The following CNIH3 variants were observed in gnomAD, a reference collection of about 807,000 sequenced individuals.
CNIH3 encodes cornichon family AMPA receptor auxiliary protein 3, also known as protein cornichon homolog 3.
In CNIH3, 14 loss-of-function variants were observed where a neutral mutation model predicts 24.1. The observed-to-expected ratio is 0.58, with a 90% CI of 0.38 to 0.91. CNIH3 has a LOEUF of 0.91. Ranked by LOEUF, CNIH3 falls within the 40% of genes least tolerant of loss-of-function variation. The probability of loss-of-function intolerance (pLI) is 0.00; values close to 1 mark genes in which losing one functional copy is unlikely to be tolerated. For missense variants in CNIH3, 178 were observed against 196.8 expected (o/e 0.90, Z 0.57); for synonymous variants, 68 against 73.8 (o/e 0.92, Z 0.40).
At chr1:224,647,075 C>T (rs1684641566) in intron 1 of CNIH3, among the ~76,000 whole-genome samples, 1 of 152,104 alleles carries the variant, frequency 6.6e-6, no homozygotes, top group Non-Finnish European at 1.5e-5. Context: ...CAACCTCCAC[C>T]TCCTGGGTCC....
At chr1:224,614,394 C>T (rs1410768573), upstream of CNIH3, among the ~76,000 whole-genome samples, 1 of 152,216 alleles carries the variant, frequency 6.6e-6, no homozygotes, top group African/African-American at 2.4e-5. Flanking sequence ...AGATATGAGG[C>T]CAGGCACTGT....
At chr1:224,536,905 TAGAG>T (rs1232600408) in intron 2 of CNIH3, 3 of 152,202 alleles carry the variant, frequency 2.0e-5, no homozygotes, top group African/African-American at 7.2e-5. Flanking sequence ...ATGTGAGAAT[TAGAG>T]AGGGAAAAAC....
intron 1 of CNIH3, among the ~76,000 whole-genome samples, chr1:224,516,446 C>G (rs1185436937): frequency 1.3e-5 from 2 of 152,122 alleles, no homozygotes; most frequent in African/African-American, 4.8e-5. Context: ...CTATGGGCTT[C>G]CCACGAGACT....
chr1:224,576,820 A>G (rs893167696), intron 4 of CNIH3, among the ~76,000 whole-genome samples: 1 of 152,240 alleles, frequency 6.6e-6, no homozygotes, highest in Admixed American at 6.5e-5. Context: ...ACTTCAAACT[A>G]TACTACAAAA....
chr1:224,733,773 G>T (rs1689454552), intron 4 of CNIH3, among the ~76,000 whole-genome samples: 1 of 152,270 alleles, frequency 6.6e-6, no homozygotes, highest in Admixed American at 6.5e-5. Context: ...GCTGTACTTT[G>T]TTCTTGGGCT....
At chr1:224,447,802 A>G (rs937738768) in intron 1 of CNIH3, among the ~76,000 whole-genome samples, 2 of 152,256 alleles carry the variant, frequency 1.3e-5, no homozygotes, top group Admixed American at 1.3e-4. Context: ...TTTAGGCACT[A>G]TTCTAAGTAC....
At chr1:224,443,017 C>T (rs1385407928) in intron 1 of CNIH3, among the ~76,000 whole-genome samples, 1 of 152,140 alleles carries the variant, frequency 6.6e-6, no homozygotes, top group Non-Finnish European at 1.5e-5. Context: ...AAAAGATTTT[C>T]TTTCCTCCAG....
intron 1 of CNIH3, among the ~76,000 whole-genome samples, chr1:224,488,318 C>T (rs1012637682): frequency 6.6e-6 from 1 of 152,092 alleles, no homozygotes. Context: ...CCACAGGTTC[C>T]TGAAGCTCTG....
chr1:224,595,138 C>T (rs2125033953), intron 3 of CNIH3, among the ~76,000 whole-genome samples: 1 of 152,314 alleles, frequency 6.6e-6, no homozygotes, highest in African/African-American at 2.4e-5. Flanking sequence ...CCTTGAACTC[C>T]TGCACTCAAA....
At chr1:224,486,941 G>C (rs1677053223) in intron 1 of CNIH3, among the ~76,000 whole-genome samples, 1 of 152,176 alleles carries the variant, frequency 6.6e-6, no homozygotes. Context: ...GACTAAACAG[G>C]CTCCGGATGG....
chr1:224,619,308 T>A (rs1683172993), intron 1 of CNIH3, among the ~76,000 whole-genome samples: 1 of 152,222 alleles, frequency 6.6e-6, no homozygotes, highest in African/African-American at 2.4e-5. Context: ...CAGCACTGGC[T>A]CTATCCTCCA....
intron 2 of CNIH3, among the ~76,000 whole-genome samples, chr1:224,521,861 T>C (rs1678647518): frequency 1.3e-5 from 2 of 152,202 alleles, no homozygotes; most frequent in Non-Finnish European, 2.9e-5. Flanking sequence ...TTTTTTCTTT[T>C]GTATGTAAGT....
At chr1:224,541,463 C>CA (rs1679509051), downstream of CNIH3, among the ~76,000 whole-genome samples, 1 of 151,930 alleles carries the variant, frequency 6.6e-6, no homozygotes, top group Admixed American at 6.6e-5. Flanking sequence ...GATAATTGAG[C>CA]AAAAGTTAGA....
At chr1:224,593,444 G>T (rs1051759114), downstream of CNIH3, among the ~76,000 whole-genome samples, 1 of 152,186 alleles carries the variant, frequency 6.6e-6, no homozygotes, top group Non-Finnish European at 1.5e-5. Flanking sequence ...GGGGCAAAGA[G>T]AAATTAAGTG....
chr1:224,582,352 C>G (rs1469042005), intron 4 of CNIH3, among the ~76,000 whole-genome samples: 3 of 151,982 alleles, frequency 2.0e-5, no homozygotes, highest in Non-Finnish European at 4.4e-5. Context: ...ACAGATGTGG[C>G]TGGGCTTTTC....
chr1:224,700,214 T>G (rs1262403451), intron 3 of CNIH3, among the ~76,000 whole-genome samples: 1 of 152,196 alleles, frequency 6.6e-6, no homozygotes, highest in East Asian at 1.9e-4. Context: ...TTCTTCAGAC[T>G]CTTGAATCTG....
intron 3 of CNIH3, among the ~76,000 whole-genome samples, chr1:224,608,594 T>A (rs1682539242): frequency 6.6e-6 from 1 of 152,200 alleles, no homozygotes; most frequent in African/African-American, 2.4e-5. Flanking sequence ...ATAGATAACA[T>A]AACTGGTTAG....
chr1:224,515,697 G>A (rs1306652817), upstream of CNIH3: 2 of 152,110 alleles, frequency 1.3e-5, no homozygotes, highest in African/African-American at 4.8e-5. Flanking sequence ...GTTAAACATG[G>A]GATCCTCTCT....
chr1:224,678,074 G>T (rs1162910452), intron 1 of CNIH3, among the ~76,000 whole-genome samples: 1 of 152,154 alleles, frequency 6.6e-6, no homozygotes, highest in Non-Finnish European at 1.5e-5. Context: ...ATGTGGATGT[G>T]GGTATTGACG....
Sources: allele counts gnomAD v4.1 joint callset (sites outside exome capture counted in the v4.1 genomes callset), GRCh38; gene constraint gnomAD v4.1.1; transcripts MANE v1.5; gene names NCBI Gene and HGNC (gene_info 2026-07-23, HGNC 2026-07-21).